Variants in LYZL2 observed in about 807,000 individuals in gnomAD.
LYZL2 encodes the protein lysozyme-like protein 2.
LYZL2 carries 13 observed loss-of-function variants against 17.1 expected under a neutral mutation model. The observed-to-expected ratio is 0.76, with a 90% CI of 0.49 to 1.21. LYZL2 has a LOEUF of 1.21. LYZL2 is among the 50% of genes most tolerant of loss of function. The pLI is 0.00. For synonymous variants in LYZL2, 63 were observed against 74.4 expected (o/e 0.85, Z 0.79); for missense variants, 166 against 189.2 (o/e 0.88, Z 0.72).
At chr10:30,623,708 G>A (rs558718029) in intron 3 of LYZL2, among the ~76,000 whole-genome samples, 22 of 152,200 alleles carry the variant, frequency 1.4e-4, no homozygotes, top group African/African-American at 5.3e-4. Context: ...AATAAGCCCA[G>A]GACTCCCACT....
intron 1 of LYZL2, among the ~76,000 whole-genome samples, chr10:30,628,723 C>T (rs372037247): frequency 2.0e-4 from 31 of 152,164 alleles, no homozygotes; most frequent in African/African-American, 7.2e-4. Context: ...AGGCTAGGCC[C>T]AAAACAGGGA....
chr10:30,609,963 C>A (rs189553243), downstream of LYZL2, among the ~76,000 whole-genome samples: 33 of 152,192 alleles, frequency 2.2e-4, no homozygotes, highest in Non-Finnish European at 1.3e-4. Flanking sequence ...GGTAGCACAC[C>A]CAGTGCCCTT....
chr10:30,611,570 G>GGAAGGAAGGAAGGAAGGAAGGAAAGAAA (rs1491344870), downstream of LYZL2, among the ~76,000 whole-genome samples: 3 of 54,110 alleles, frequency 5.5e-5, no homozygotes, highest in Non-Finnish European at 1.1e-4. Context: ...AAGGAAGGAA[G>GGAAGGAAGGAAGGAAGGAAGGAAAGAAA]GAAAGAAAGA....
intron 3 of LYZL2, among the ~76,000 whole-genome samples, chr10:30,614,740 A>G (rs770346542): frequency 1.8e-4 from 27 of 152,194 alleles, no homozygotes; most frequent in Admixed American, 9.8e-4. Context: ...AATGGATTCA[A>G]TGTCTCAGGA....
At position 30,612,035 on chromosome 10, in the gene LYZL2, G is replaced by A; in HGVS notation, c.378-11C>T. 1 of 1,613,898 alleles carries A rather than the reference G, an allele frequency of 6.2e-7. No homozygotes were observed. Among genetic ancestry groups the A allele is most frequent in the Non-Finnish European group, 8.5e-7 (1 of 1,179,868 alleles). ...TTCTTCCAGCCTTGCCTGAGGACGA[G>A]AGGGAAGCAAGAGCAGCAGAAAGAA... On this transcript the variant is annotated splice_polypyrimidine_tract_variant and intron_variant, in intron 4 of 4. Transcript: ENST00000647634.
intron 3 of LYZL2, among the ~76,000 whole-genome samples, chr10:30,622,101 C>T (rs68032173): frequency 6.6e-6 from 1 of 151,338 alleles, no homozygotes; most frequent in Non-Finnish European, 1.5e-5. Flanking sequence ...ACAGTAACAA[C>T]TAAAAACAAA....
chr10:30,621,897 A>T (rs1298114326), intron 3 of LYZL2, among the ~76,000 whole-genome samples: 1 of 152,200 alleles, frequency 6.6e-6, no homozygotes, highest in Non-Finnish European at 1.5e-5. Flanking sequence ...TTAAAAGACA[A>T]TTGTTTAAAG....
intron 3 of LYZL2, among the ~76,000 whole-genome samples, chr10:30,615,517 G>T (rs11008148): frequency 0.11 from 17,226 of 151,970 alleles, 1,039 homozygotes; most frequent in South Asian, 0.18. Flanking sequence ...GATCTTAAGT[G>T]TTCTTCTCTC....
At chr10:30,627,918 G>A (rs1329489961) in intron 1 of LYZL2, among the ~76,000 whole-genome samples, 2 of 152,208 alleles carry the variant, frequency 1.3e-5, no homozygotes, top group Admixed American at 1.3e-4. Flanking sequence ...CCGGCACTTT[G>A]GGAGGCCGAG....
downstream of LYZL2, among the ~76,000 whole-genome samples, chr10:30,611,119 A>G (rs1323690352): frequency 6.6e-6 from 1 of 152,170 alleles, no homozygotes; most frequent in African/African-American, 2.4e-5. Flanking sequence ...GAATGGCCAC[A>G]GGAACCAGGA....
At chr10:30,610,761 T>C (rs931053186), downstream of LYZL2, among the ~76,000 whole-genome samples, 3 of 152,074 alleles carry the variant, frequency 2.0e-5, no homozygotes, top group South Asian at 6.2e-4. Context: ...TTTTTTTTTC[T>C]GGAAAAAAGT....
downstream of LYZL2, chr10:30,611,691 A>AG: frequency 2.5e-6 from 1 of 407,788 alleles, no homozygotes; most frequent in South Asian, 4.3e-5. Flanking sequence ...AAGGAAGGAA[A>AG]GAAAGAAAGA....
intron 3 of LYZL2, among the ~76,000 whole-genome samples, chr10:30,621,304 G>T (rs1476929740): frequency 6.6e-6 from 1 of 152,194 alleles, no homozygotes; most frequent in Non-Finnish European, 1.5e-5. Flanking sequence ...TTGAAGCCAA[G>T]TGTGGTGGCT....
intron 3 of LYZL2, among the ~76,000 whole-genome samples, chr10:30,625,693 GAA>G (rs1838690693): frequency 6.6e-6 from 1 of 152,050 alleles, no homozygotes; most frequent in Admixed American, 6.6e-5. Context: ...CAAAAAAAGA[GAA>G]AAGAGAAAGA....
chr10:30,607,650 T>C (rs1369961377), downstream of LYZL2, among the ~76,000 whole-genome samples: 1 of 152,184 alleles, frequency 6.6e-6, no homozygotes, highest in African/African-American at 2.4e-5. Flanking sequence ...GGCAGAGTGC[T>C]GTGAAGCTGC....
chr10:30,607,560 T>A (rs1838391185), downstream of LYZL2, among the ~76,000 whole-genome samples: 1 of 152,150 alleles, frequency 6.6e-6, no homozygotes, highest in East Asian at 1.9e-4. Context: ...AGTTTCTGAG[T>A]GTCCCCTGTT....
downstream of LYZL2, chr10:30,611,744 A>AAGAAAAGAAAG: frequency 1.6e-6 from 1 of 615,722 alleles, no homozygotes; most frequent in Non-Finnish European, 2.5e-6. Context: ...AAGGAAAGAA[A>AAGAAAAGAAAG]GAAAGAAAGG....
chr10:30,615,155 G>A (rs1021557235), intron 3 of LYZL2, among the ~76,000 whole-genome samples: 2 of 152,172 alleles, frequency 1.3e-5, no homozygotes, highest in African/African-American at 4.8e-5. Context: ...TTGTTGACAG[G>A]TGAATGGATA....
intron 3 of LYZL2, among the ~76,000 whole-genome samples, chr10:30,614,642 GA>G (rs1564407015): frequency 6.6e-6 from 1 of 152,142 alleles, no homozygotes; most frequent in Non-Finnish European, 1.5e-5. Context: ...ATTATGCAAA[GA>G]TTTTTTTTTT....
Sources: gnomAD v4.1 joint callset for allele counts (sites outside exome capture counted in the v4.1 genomes callset) on GRCh38, gnomAD v4.1.1 for gene constraint, MANE v1.5 for transcripts, NCBI Gene and HGNC (gene_info 2026-07-23, HGNC 2026-07-21) for gene names.